ARMH4: variants seen among roughly 807,000 people sequenced by gnomAD.
ARMH4 encodes the protein armadillo-like helical domain-containing protein 4.
Under a neutral mutation model 61.9 loss-of-function variants are expected in ARMH4, and 49 were observed. The observed-to-expected ratio is 0.79, with a 90% CI of 0.63 to 1.00. The LOEUF (loss-of-function observed/expected upper bound fraction) is 1.00, where lower values mean the gene tolerates loss of function less well. Among genes scored for constraint, ARMH4 ranks in the 50% least tolerant of loss-of-function variants. The pLI is 0.00. For synonymous variants in ARMH4, 368 were observed against 341.5 expected, an observed-to-expected ratio of 1.08 and a Z score of -0.85; for missense variants, 934 against 930.0, an observed-to-expected ratio of 1.00 and a Z score of -0.06.
rs555099954 is a variant in ARMH4 at position 58,141,549 on chromosome 14, C to T, written c.-56-2135G>A. The T allele has an allele frequency of 1.2e-3, 617 of 520,628 alleles. 6 individuals are homozygous for T. Among genetic ancestry groups the T allele is most frequent in the South Asian group, 6.6e-3 (453 of 68,786 alleles). 32.3% of individuals were successfully genotyped at this position (520,628 alleles called of 1,614,324 possible). A position where few individuals can be genotyped will look rare whatever the true frequency, so the allele number is the denominator to read the frequency against. ...TCCGCCAGCTCGTCCAGAAATACAACTGCGACGAGATGATCTGCTGCAAGT... is the reference window on the plus strand; with the variant it reads ...TCCGCCAGCTCGTCCAGAAATACAATTGCGACGAGATGATCTGCTGCAAGT... On this transcript the variant is annotated intron_variant, in intron 1 of 7. Coordinates refer to ENST00000267485, the MANE Select transcript of ARMH4 (RefSeq NM_001001872.4).
At chr14:58,132,308 T>A (rs532750376) in intron 3 of ARMH4, among the ~76,000 whole-genome samples, 1 of 152,336 alleles carries the variant, frequency 6.6e-6, no homozygotes, top group East Asian at 1.9e-4. Context: ...AGACATGATT[T>A]CAAATTCTTA....
intron 3 of ARMH4, 98 bp downstream of exon 3, chr14:58,132,992 C>T: frequency 7.4e-7 from 1 of 1,360,516 alleles, no homozygotes; most frequent in Non-Finnish European, 1.0e-6. Flanking sequence ...CACGCGCGCG[C>T]TGATGGCAAT....
intron 5 of ARMH4, among the ~76,000 whole-genome samples, chr14:58,054,051 A>G (rs1884236649): frequency 1.3e-5 from 2 of 152,206 alleles, no homozygotes; most frequent in African/African-American, 4.8e-5. Flanking sequence ...TGTGAAAAGT[A>G]TTTAATCTAC....
intron 4 of ARMH4, among the ~76,000 whole-genome samples, chr14:58,097,577 T>C (rs1385016766): frequency 2.0e-5 from 3 of 152,170 alleles, no homozygotes; most frequent in South Asian, 2.1e-4. Context: ...TCTAAAGGAA[T>C]TGGGAAGTGG....
intron 4 of ARMH4, among the ~76,000 whole-genome samples, chr14:58,121,173 A>G (rs372987267): frequency 6.6e-5 from 10 of 152,324 alleles, no homozygotes; most frequent in African/African-American, 2.2e-4. Context: ...TCCACCCCCA[A>G]TTATTCTTGG....
At chr14:58,078,820 G>A (rs938864224) in intron 5 of ARMH4, among the ~76,000 whole-genome samples, 1 of 152,222 alleles carries the variant, frequency 6.6e-6, no homozygotes, top group Non-Finnish European at 1.5e-5. Context: ...GCTGTACTTT[G>A]CTGACCCCTG....
chr14:58,002,223 A>C lies in ARMH4; in HGVS notation c.*2513T>G, dbSNP rs971067904. 4 of 152,204 alleles carry C rather than the reference A, an allele frequency of 2.6e-5. No individual in the cohort carries two copies. Among genetic ancestry groups the C allele is most frequent in the African/African-American group, 9.7e-5 (4 of 41,436 alleles). 9.4% of individuals were successfully genotyped at this position (152,204 alleles called of 1,614,324 possible). ...CTGATCCTCTTAATAATCTAAGCCA[A>C]CCACTGAAAATCATTATTCCACAGC... On this transcript the variant is annotated 3_prime_UTR_variant, in exon 8 of 8. Coordinates refer to ENST00000267485, the MANE Select transcript of ARMH4 (RefSeq NM_001001872.4).
intron 4 of ARMH4, among the ~76,000 whole-genome samples, chr14:58,125,660 C>A (rs966694842): frequency 1.8e-4 from 28 of 152,206 alleles, no homozygotes; most frequent in African/African-American, 6.8e-4. Context: ...GACTGGCCTG[C>A]TAGCCAATGC....
chr14:58,061,168 C>T (rs1884519438), intron 5 of ARMH4, among the ~76,000 whole-genome samples: 1 of 152,296 alleles, frequency 6.6e-6, no homozygotes, highest in Middle Eastern at 3.4e-3. Context: ...TCCCTCTCAG[C>T]CCTGACACCC....
chr14:58,059,513 T>C (rs933855976), intron 5 of ARMH4, among the ~76,000 whole-genome samples: 1 of 152,212 alleles, frequency 6.6e-6, no homozygotes, highest in Non-Finnish European at 1.5e-5. Flanking sequence ...CTAGAGAATA[T>C]AGATTCAAAA....
rs1390951128 is a variant in ARMH4, at chr14:58,138,301, A to G, written c.1058T>C (p.Met353Thr). The change falls in exon 2 of 8, where the codon ATG (methionine) becomes ACG (threonine). Residue 353 changes from methionine to threonine, a missense_variant. Coordinates refer to ENST00000267485, the MANE Select transcript of ARMH4 (RefSeq NM_001001872.4). ...SQTAQVSHEGMEGGQPWTEAA... is the reference protein window; with the variant it reads ...SQTAQVSHEGTEGGQPWTEAA... The stretch of plus-strand genomic sequence containing the variant: ...CTCTGTCCAAGGCTGGCCTCCTTCC[A>G]TACCCTCATGGCTTACTTGTGCTGT... The G allele has an allele frequency of 1.2e-6, 2 of 1,614,172 alleles. No homozygotes were observed. The highest frequency in any genetic ancestry group is 3.3e-5 in the Admixed American group (2 of 60,018).
chr14:58,050,001 A>C lies in ARMH4; in HGVS notation c.2090-37851T>G, dbSNP rs190155586. ...GCTTACAGTGTGAATGGACAGAAGC[A>C]TTTTTGGTCAAGATTTTTTTCTCCA... On this transcript the variant is annotated intron_variant, in intron 5 of 7. Transcript: ENST00000267485. Among the ~76,000 whole-genome samples the C allele has an allele frequency of 9.8e-5, 15 of 152,306 alleles. No homozygotes were observed. The East Asian group carries it at 2.7e-3, about 27-fold the overall frequency.
intron 5 of ARMH4, among the ~76,000 whole-genome samples, chr14:58,049,251 A>G (rs1267302057): frequency 6.6e-6 from 1 of 151,962 alleles, no homozygotes; most frequent in East Asian, 1.9e-4. Flanking sequence ...AAAAAAAAAA[A>G]AAAGAAAAAT....
intron 5 of ARMH4, among the ~76,000 whole-genome samples, chr14:58,076,046 A>C (rs1310982644): frequency 6.7e-6 from 1 of 150,168 alleles, no homozygotes; most frequent in Non-Finnish European, 1.5e-5. Flanking sequence ...AAGAAAGAGG[A>C]AGAAAGAAGA....
chr14:58,040,355 C>T (rs531006656), intron 5 of ARMH4, among the ~76,000 whole-genome samples: 67 of 152,214 alleles, frequency 4.4e-4, no homozygotes, highest in African/African-American at 1.3e-3. Context: ...TGTTGTTCCC[C>T]GCCATGTGTC....
At chr14:58,040,964 T>C (rs776864681) in intron 5 of ARMH4, among the ~76,000 whole-genome samples, 9 of 152,096 alleles carry the variant, frequency 5.9e-5, no homozygotes, top group Non-Finnish European at 1.0e-4. Flanking sequence ...CTAAGTAAAA[T>C]GAAACATGGT....
chr14:58,023,039 C>T (rs1052424089), intron 5 of ARMH4, among the ~76,000 whole-genome samples: 1 of 152,224 alleles, frequency 6.6e-6, no homozygotes, highest in African/African-American at 2.4e-5. Context: ...TGAGCCTTCA[C>T]AGACTATTTT....
chr14:58,064,685 T>C (rs752483181), intron 5 of ARMH4, among the ~76,000 whole-genome samples: 3 of 152,196 alleles, frequency 2.0e-5, no homozygotes, highest in Non-Finnish European at 4.4e-5. Context: ...ATATATGTGA[T>C]ATTGTGCTAG....
intron 5 of ARMH4, among the ~76,000 whole-genome samples, chr14:58,049,003 C>T (rs1344253415): frequency 6.6e-6 from 1 of 151,936 alleles, no homozygotes; most frequent in East Asian, 1.9e-4. Context: ...TTTGGGAGGC[C>T]AAGGAGGGCG....
Sources: gnomAD v4.1 joint callset for allele counts (sites outside exome capture counted in the v4.1 genomes callset) on GRCh38, gnomAD v4.1.1 for gene constraint, MANE v1.5 for transcripts, NCBI Gene and HGNC (gene_info 2026-07-23, HGNC 2026-07-21) for gene names.